Variants in PPARGC1B observed in about 807,000 individuals in gnomAD.
The protein encoded by PPARGC1B is peroxisome proliferator-activated receptor gamma coactivator 1-beta.
Under a neutral mutation model 101.6 loss-of-function variants are expected in PPARGC1B, and 34 were observed. The observed-to-expected ratio is 0.33, with a 90% CI of 0.25 to 0.45. The LOEUF (loss-of-function observed/expected upper bound fraction) is 0.45, where lower values mean the gene tolerates loss of function less well. PPARGC1B is among the 20% of genes least tolerant of loss of function. PPARGC1B has a pLI of 1.00. For synonymous variants in PPARGC1B, 548 were observed against 539.3 expected (o/e 1.02, Z -0.22); for missense variants, 1,234 against 1,317.6 (o/e 0.94, Z 0.98).
At chr5:149,818,009 T>C (rs1195692847) in intron 1 of PPARGC1B, among the ~76,000 whole-genome samples, 2 of 152,210 alleles carry the variant, frequency 1.3e-5, no homozygotes, top group Non-Finnish European at 2.9e-5. Context: ...CACAGTCTGC[T>C]TGGGCACGAA....
Position 149,836,961 on chromosome 5 carries a change from C to T in PPARGC1B, c.2506C>T (p.Pro836Ser), listed in dbSNP as rs1383404836. 62 of 1,613,936 alleles carry T rather than the reference C, an allele frequency of 3.8e-5. No homozygotes were observed. The highest frequency in any genetic ancestry group is 5.1e-5 in the Non-Finnish European group (60 of 1,180,040). ...GVSPTCSDHCPYQSPPSKANR... is the reference protein window; with the variant it reads ...GVSPTCSDHCSYQSPPSKANR... ...CAGCCCCACTTGCTCTGACCACTGC[C>T]CCTACCAGAGCCCACCAAGCAAGGC... is the stretch of plus-strand genomic sequence containing the variant. Residue 836 changes from proline (P) to serine (S), a missense_variant, in exon 8 of 12, where the codon CCC (proline) becomes TCC (serine). Around this residue, in one of 3 missense-constraint regions of PPARGC1B, gnomAD observed 497 missense variants for 529.5 expected, o/e 0.94. Transcript: ENST00000309241.
At chr5:149,733,369 C>T (rs560838572) in intron 1 of PPARGC1B, among the ~76,000 whole-genome samples, 2 of 152,178 alleles carry the variant, frequency 1.3e-5, no homozygotes, top group African/African-American at 4.8e-5. Context: ...AGGCTATGCC[C>T]CTGGCCCAGA....
intron 11 of PPARGC1B, chr5:149,847,010 G>A (rs1009679648): frequency 2.8e-5 from 6 of 215,358 alleles, no homozygotes; most frequent in African/African-American, 9.0e-5. Flanking sequence ...ACTTGAACCC[G>A]AGAGGCAGAG....
At chr5:149,743,574 T>C (rs1754985498) in intron 1 of PPARGC1B, among the ~76,000 whole-genome samples, 1 of 152,126 alleles carries the variant, frequency 6.6e-6, no homozygotes, top group Non-Finnish European at 1.5e-5. Context: ...CCCCAATAAA[T>C]AGTTGTTGGA....
intron 2 of PPARGC1B, among the ~76,000 whole-genome samples, chr5:149,826,236 G>T (rs1758512517): frequency 6.6e-6 from 1 of 152,136 alleles, no homozygotes; most frequent in Non-Finnish European, 1.5e-5. Flanking sequence ...GTTGAACCCT[G>T]GAGCTTCTGG....
chr5:149,746,171 T>A (rs930093748), intron 1 of PPARGC1B, among the ~76,000 whole-genome samples: 1 of 152,146 alleles, frequency 6.6e-6, no homozygotes, highest in Non-Finnish European at 1.5e-5. Flanking sequence ...GCTAGTGTAG[T>A]GAGGCCTTTG....
At chr5:149,732,906 C>T (rs907791567) in intron 1 of PPARGC1B, 3 of 434,428 alleles carry the variant, frequency 6.9e-6, no homozygotes, top group Non-Finnish European at 1.5e-5. Context: ...GAGTCACCTT[C>T]CCCACTCTCT....
At chr5:149,845,500 C>A in intron 10 of PPARGC1B, 1 of 488,702 alleles carries the variant, frequency 2.0e-6, no homozygotes, top group Non-Finnish European at 3.6e-6. Context: ...AACAACAGTA[C>A]CCACCTCACA....
At chr5:149,805,892 C>T (rs747363009) in intron 1 of PPARGC1B, among the ~76,000 whole-genome samples, 3 of 152,270 alleles carry the variant, frequency 2.0e-5, no homozygotes, top group Non-Finnish European at 4.4e-5. Context: ...CATGGTGGAG[C>T]TGTGGGGGTT....
At chr5:149,777,172 A>G (rs918442560) in intron 1 of PPARGC1B, among the ~76,000 whole-genome samples, 1 of 152,094 alleles carries the variant, frequency 6.6e-6, no homozygotes, top group East Asian at 1.9e-4. Context: ...GGCTTTTTTC[A>G]TCTACGATTT....
At chr5:149,815,267 TAA>T (rs1326133029) in intron 1 of PPARGC1B, among the ~76,000 whole-genome samples, 5 of 152,162 alleles carry the variant, frequency 3.3e-5, no homozygotes, top group Admixed American at 1.3e-4. Flanking sequence ...TTCACAGAGA[TAA>T]TCAAGTTAAA....
At chr5:149,773,718 G>T (rs1055949812) in intron 1 of PPARGC1B, among the ~76,000 whole-genome samples, 23 of 152,224 alleles carry the variant, frequency 1.5e-4, no homozygotes, top group Admixed American at 5.9e-4. Flanking sequence ...CTGAGATGGG[G>T]CCGGCAGGGT....
At chr5:149,801,216 A>G (rs917516168) in intron 1 of PPARGC1B, among the ~76,000 whole-genome samples, 1 of 152,210 alleles carries the variant, frequency 6.6e-6, no homozygotes, top group East Asian at 1.9e-4. Context: ...AGCATTAATA[A>G]AATACTCATG....
chr5:149,797,921 AC>A (rs199663179), intron 1 of PPARGC1B, among the ~76,000 whole-genome samples: 2,228 of 151,914 alleles, frequency 0.015, 18 homozygotes, highest in Non-Finnish European at 0.023. Flanking sequence ...CTCCATCCCC[AC>A]CCCCCGCCAA....
downstream of PPARGC1B, among the ~76,000 whole-genome samples, chr5:149,857,623 C>T (rs1479740738): frequency 6.6e-6 from 1 of 152,222 alleles, no homozygotes; most frequent in Non-Finnish European, 1.5e-5. Flanking sequence ...ACCCAGTTCT[C>T]TATTGACATC....
At chr5:149,738,151 G>A (rs1053273472) in intron 1 of PPARGC1B, among the ~76,000 whole-genome samples, 11 of 152,144 alleles carry the variant, frequency 7.2e-5, no homozygotes, top group African/African-American at 2.7e-4. Flanking sequence ...TGGACGTTAA[G>A]CTCCACAAAG....
chr5:149,794,288 A>C (rs973112863), intron 1 of PPARGC1B, among the ~76,000 whole-genome samples: 2 of 152,194 alleles, frequency 1.3e-5, no homozygotes, highest in Non-Finnish European at 2.9e-5. Flanking sequence ...GTAAGATTTC[A>C]GATTGTCTGG....
intron 1 of PPARGC1B, among the ~76,000 whole-genome samples, chr5:149,794,550 A>T (rs1014457525): frequency 4.9e-4 from 70 of 143,716 alleles, no homozygotes; most frequent in South Asian, 4.5e-3. Flanking sequence ...ACACACACAC[A>T]CACATTCAAG....
chr5:149,802,474 C>A (rs1458942016), intron 1 of PPARGC1B, among the ~76,000 whole-genome samples: 1 of 151,916 alleles, frequency 6.6e-6, no homozygotes, highest in African/African-American at 2.4e-5. Context: ...TGTTGTGGCC[C>A]CATGGGGGTC....
Sources: allele counts gnomAD v4.1 joint callset (sites outside exome capture counted in the v4.1 genomes callset), GRCh38; gene constraint gnomAD v4.1.1; regional missense constraint gnomAD v4.1.1; transcripts MANE v1.5; gene names NCBI Gene and HGNC (gene_info 2026-07-23, HGNC 2026-07-21).